The following BTBD9 variants were observed in gnomAD, a reference collection of about 807,000 sequenced individuals.
The protein encoded by BTBD9 is BTB domain containing 9, also known as BTB/POZ domain-containing protein 9.
In BTBD9, 49 loss-of-function variants were observed where a neutral mutation model predicts 64.3. That is an observed-to-expected ratio of 0.76 (90% CI 0.61 to 0.97). BTBD9 has a LOEUF of 0.97. BTBD9 is among the 50% of genes least tolerant of loss of function. BTBD9 has a pLI of 0.00. For missense variants in BTBD9, 598 were observed against 762.1 expected (o/e 0.78, Z 2.53); for synonymous variants, 260 against 274.7 (o/e 0.95, Z 0.53).
intron 1 of BTBD9, among the ~76,000 whole-genome samples, chr6:38,619,710 C>T (rs148770224): frequency 1.3e-5 from 2 of 152,302 alleles, no homozygotes; most frequent in African/African-American, 4.8e-5. Context: ...GACACTGGCA[C>T]AGCTTTCTCA....
At chr6:38,525,769 G>A (rs187592470) in intron 6 of BTBD9, among the ~76,000 whole-genome samples, 50 of 152,276 alleles carry the variant, frequency 3.3e-4, no homozygotes, top group African/African-American at 9.4e-4. Context: ...GAACTTGAGG[G>A]AGATGATTTC....
At chr6:38,247,255 T>C (rs181329221) in intron 9 of BTBD9, among the ~76,000 whole-genome samples, 1 of 152,242 alleles carries the variant, frequency 6.6e-6, no homozygotes, top group East Asian at 1.9e-4. Context: ...AGGCTATAAC[T>C]CTCCACCTTT....
At chr6:38,458,468 A>T (rs917135473) in intron 6 of BTBD9, among the ~76,000 whole-genome samples, 2 of 152,222 alleles carry the variant, frequency 1.3e-5, no homozygotes, top group African/African-American at 4.8e-5. Flanking sequence ...AGCCTTCCCT[A>T]AAAGGCTTAG....
rs182381610 is a variant in BTBD9, at chr6:38,272,563, A to T, written c.1454+15709T>A. Among the ~76,000 whole-genome samples the T allele has an allele frequency of 5.9e-5, 9 of 152,262 alleles. No individual in the cohort carries two copies. In the East Asian group the frequency reaches 1.7e-3, roughly 29 times the overall value. ...TGTTAAACACGTTCTTCTCAAATAG[A>T]TGCAACTAATCTCCATGAATTTTCT... On this transcript the variant is annotated intron_variant, in intron 8 of 10. Transcript: ENST00000481247.
chr6:38,570,720 T>C (rs1775723864), intron 6 of BTBD9, among the ~76,000 whole-genome samples: 1 of 152,184 alleles, frequency 6.6e-6, no homozygotes. Flanking sequence ...GAAGCCCACA[T>C]TTCTCCTATG....
chr6:38,313,806 G>C (rs1288411657), intron 7 of BTBD9, among the ~76,000 whole-genome samples: 1 of 146,610 alleles, frequency 6.8e-6, no homozygotes, highest in East Asian at 2.0e-4. Context: ...CTGGAGTGCA[G>C]TGGCGTCATC....
At chr6:38,577,805 CA>C (rs1391707888) in intron 5 of BTBD9, 86 bp from the exon 6 acceptor site, 23 of 1,179,018 alleles carry the variant, frequency 2.0e-5, no homozygotes, top group African/African-American at 6.3e-5. Flanking sequence ...TTAAAAGGTA[CA>C]AAAAATACAG....
In BTBD9 at chr6:38,218,186, C is replaced by A. The variant is rs191994923; in HGVS notation, c.1563-25589G>T. On this transcript the variant is annotated intron_variant, in intron 9 of 10. Coordinates refer to ENST00000481247, the MANE Select transcript of BTBD9 (RefSeq NM_001099272.2). Reference sequence around the variant, plus strand: ...TATTCTATATTCAAGTCTATGCCTACCCCCAGGGGCAACAAATGTTTTCTG... The same window carrying A: ...TATTCTATATTCAAGTCTATGCCTAACCCCAGGGGCAACAAATGTTTTCTG... Among the ~76,000 whole-genome samples, 639 of 152,244 alleles carry A rather than the reference C, an allele frequency of 4.2e-3. 5 individuals carry two copies. The highest frequency in any genetic ancestry group is 6.3e-3 in the Non-Finnish European group (427 of 68,012).
chr6:38,451,280 A>G (rs1324791898), intron 6 of BTBD9, among the ~76,000 whole-genome samples: 2 of 152,200 alleles, frequency 1.3e-5, no homozygotes. Flanking sequence ...ATAACTTGAC[A>G]AATACTTGCT....
intron 8 of BTBD9, among the ~76,000 whole-genome samples, chr6:38,285,529 G>T (rs964979751): frequency 8.5e-5 from 13 of 152,076 alleles, no homozygotes; most frequent in Non-Finnish European, 4.4e-5. Flanking sequence ...TGGTGGGGAG[G>T]GAGGTGTGGG....
At chr6:38,230,426 T>C (rs1247738693) in intron 9 of BTBD9, among the ~76,000 whole-genome samples, 1 of 132,458 alleles carries the variant, frequency 7.5e-6, no homozygotes, top group African/African-American at 2.9e-5. Context: ...ACCTGGGAGA[T>C]GGAGGTTGTG....
At chr6:38,304,867 A>G (rs1762567609) in intron 7 of BTBD9, among the ~76,000 whole-genome samples, 1 of 152,238 alleles carries the variant, frequency 6.6e-6, no homozygotes, top group Non-Finnish European at 1.5e-5. Flanking sequence ...GTAAATCACC[A>G]AGATGAGGCA....
chr6:38,473,246 G>A (rs1770726807), intron 6 of BTBD9, among the ~76,000 whole-genome samples: 2 of 152,086 alleles, frequency 1.3e-5, no homozygotes, highest in South Asian at 4.2e-4. Context: ...TTTAAAAAAT[G>A]GGCTCTGGAA....
At chr6:38,375,891 A>AAAGAAAAG (rs1765659526) in intron 6 of BTBD9, among the ~76,000 whole-genome samples, 1 of 122,260 alleles carries the variant, frequency 8.2e-6, no homozygotes, top group African/African-American at 3.2e-5. Context: ...AGAAAGAAAG[A>AAAGAAAAG]AAAGAAAGAA....
chr6:38,553,951 G>A (rs1774916398), intron 6 of BTBD9, among the ~76,000 whole-genome samples: 2 of 152,004 alleles, frequency 1.3e-5, no homozygotes, highest in South Asian at 4.2e-4. Context: ...CTGGACACAT[G>A]AAAGACATTA....
intron 8 of BTBD9, among the ~76,000 whole-genome samples, chr6:38,257,592 C>A (rs552898036): frequency 6.6e-6 from 1 of 152,292 alleles, no homozygotes; most frequent in African/African-American, 2.4e-5. Context: ...AGGATTTTTA[C>A]ATAGCTGTAG....
chr6:38,604,128 T>C (rs1019610390), intron 1 of BTBD9, among the ~76,000 whole-genome samples: 1 of 152,160 alleles, frequency 6.6e-6, no homozygotes, highest in African/African-American at 2.4e-5. Context: ...TTCTAAACCT[T>C]GCAGAAGAGA....
Position 38,217,372 on chromosome 6 carries a change from A to G in BTBD9, c.1563-24775T>C, listed in dbSNP as rs375056584. Among the ~76,000 whole-genome samples, 207 of 151,622 alleles carry G rather than the reference A, an allele frequency of 1.4e-3. 1 individual carries two copies. The highest frequency in any genetic ancestry group is 4.7e-3 in the African/African-American group (194 of 41,402). The stretch of plus-strand genomic sequence containing the variant: ...CCCCATCCTACAACAAAGTGGTCAA[A>G]CCTATGCTCCATCAGGTAGAAGGTG... On this transcript the variant is annotated intron_variant, in intron 9 of 10. Coordinates refer to ENST00000481247, the MANE Select transcript of BTBD9 (RefSeq NM_001099272.2).
intron 6 of BTBD9, among the ~76,000 whole-genome samples, chr6:38,396,526 C>A (rs1312052663): frequency 6.6e-6 from 1 of 152,214 alleles, no homozygotes. Flanking sequence ...CCATGACCAG[C>A]AAGGTAAGGT....
Sources: gnomAD v4.1 joint callset for allele counts (sites outside exome capture counted in the v4.1 genomes callset) on GRCh38, gnomAD v4.1.1 for gene constraint, MANE v1.5 for transcripts, NCBI Gene and HGNC (gene_info 2026-07-23, HGNC 2026-07-21) for gene names.